Variants in POLR2K observed in about 807,000 individuals in gnomAD.
POLR2K encodes the protein RNA polymerase II, I and III subunit K.
In POLR2K, 9 loss-of-function variants were observed where a neutral mutation model predicts 10.1. The observed-to-expected ratio is 0.89, with a 90% CI of 0.54 to 1.56. POLR2K has a LOEUF of 1.56. POLR2K is among the 40% of genes most tolerant of loss of function. The probability of loss-of-function intolerance (pLI) is 0.00; values close to 1 mark genes in which losing one functional copy is unlikely to be tolerated. For synonymous variants in POLR2K, 19 were observed against 20.3 expected (o/e 0.94, Z 0.17); for missense variants, 53 against 71.9 (o/e 0.74, Z 0.95).
chr8:100,152,821 A>G (rs1330869128), intron 3 of POLR2K, among the ~76,000 whole-genome samples: 1 of 151,638 alleles, frequency 6.6e-6, no homozygotes, highest in African/African-American at 2.4e-5. Context: ...GCTGGTGTGC[A>G]GTGACGCAAT....
intron 3 of POLR2K, among the ~76,000 whole-genome samples, chr8:100,152,763 GT>G (rs1322741362): frequency 6.6e-6 from 1 of 151,542 alleles, no homozygotes; most frequent in Non-Finnish European, 1.5e-5. Context: ...GTTTTTTTTT[GT>G]TTGTTTTTTG....
At chr8:100,151,523 T>C in intron 2 of POLR2K, 107 bp downstream of exon 2, 1 of 779,516 alleles carries the variant, frequency 1.3e-6, no homozygotes, top group South Asian at 1.5e-5. Flanking sequence ...AGTTATAAAG[T>C]AGAACACTTT....
chr8:100,151,646 T>C, intron 2 of POLR2K, 178 bp from the exon 3 acceptor site: 1 of 599,488 alleles, frequency 1.7e-6, no homozygotes, highest in Non-Finnish European at 3.0e-6. Flanking sequence ...CTCCTGGAAA[T>C]ATGCATGGCC....
rs561214142 is a variant in POLR2K, at chr8:100,153,382, T to G, written c.*66T>G. On this transcript the variant is annotated 3_prime_UTR_variant, in exon 4 of 4. Transcript: ENST00000353107. Reference sequence around the variant, plus strand: ...TTTGCTCTCTTCCCATTTCTGATTGTTGTATAGCTTTCGATTTTGCTTACA... The same window carrying G: ...TTTGCTCTCTTCCCATTTCTGATTGGTGTATAGCTTTCGATTTTGCTTACA... The G allele has an allele frequency of 7.0e-7, 1 of 1,428,690 alleles. No individual in the cohort carries two copies. Among genetic ancestry groups the G allele is most frequent in the East Asian group, 2.3e-5 (1 of 43,714 alleles). The allele number at this position is 1,428,690 out of a possible 1,614,324, so 88.5% of individuals were successfully genotyped here. A position where few individuals can be genotyped will look rare whatever the true frequency, so the allele number is the denominator to read the frequency against.
intron 3 of POLR2K, among the ~76,000 whole-genome samples, chr8:100,153,054 C>T (rs76330041): frequency 0.011 from 1,716 of 152,302 alleles, 35 homozygotes; most frequent in African/African-American, 0.039. Context: ...AGGCGTGAGC[C>T]ACTGCGCCTG....
At chr8:100,152,742 ATTACT>A (rs1424052865) in intron 3 of POLR2K, among the ~76,000 whole-genome samples, 1 of 151,996 alleles carries the variant, frequency 6.6e-6, no homozygotes, top group Non-Finnish European at 1.5e-5. Flanking sequence ...CCGCTTTAAC[ATTACT>A]TTAGTGTTTT....
intron 3 of POLR2K, chr8:100,152,298 T>G (rs1348356427): frequency 3.6e-6 from 1 of 276,308 alleles, no homozygotes; most frequent in Non-Finnish European, 6.6e-6. Flanking sequence ...AGCATGCTAT[T>G]GTACTGAATA....
At chr8:100,152,034 C>A (rs1814927098) in intron 3 of POLR2K, 118 bp downstream of exon 3, 1 of 671,180 alleles carries the variant, frequency 1.5e-6, no homozygotes. Flanking sequence ...ACTTAAAAAA[C>A]AAACATGATT....
At chr8:100,151,559 G>GGTCT (rs1814919459) in intron 2 of POLR2K, 143 bp downstream of exon 2, 1 of 654,148 alleles carries the variant, frequency 1.5e-6, no homozygotes, top group African/African-American at 1.8e-5. Flanking sequence ...AATCGTTGAG[G>GGTCT]TCAGTAGACC....
At chr8:100,153,270 T>G in intron 3 of POLR2K, 24 bp from the exon 4 acceptor site, 1 of 1,587,924 alleles carries the variant, frequency 6.3e-7, no homozygotes, top group African/African-American at 1.3e-5. Flanking sequence ...GTACCGTTTT[T>G]GTCCTTAACT....
At position 100,153,567 on chromosome 8, in the gene POLR2K, G is replaced by A. The variant is rs1814947865; in HGVS notation, c.*251G>A. On this transcript the variant is annotated 3_prime_UTR_variant, in exon 4 of 4. Transcript: ENST00000353107. Reference sequence around the variant, plus strand: ...AGCATAGCAAGAGATTAATAATAATGTAATAGAACAATGATAACATACTAT... The same window carrying A: ...AGCATAGCAAGAGATTAATAATAATATAATAGAACAATGATAACATACTAT... 1 of 354,954 alleles carries A rather than the reference G, an allele frequency of 2.8e-6. No homozygotes were observed. The allele number at this position is 354,954 out of a possible 1,614,324, so 22.0% of individuals were successfully genotyped here. A position where few individuals can be genotyped will look rare whatever the true frequency, so the allele number is the denominator to read the frequency against.
chr8:100,152,970 A>G (rs1011377807), intron 3 of POLR2K, among the ~76,000 whole-genome samples: 20 of 151,994 alleles, frequency 1.3e-4, no homozygotes, highest in African/African-American at 4.4e-4. Flanking sequence ...GGGTTTCACC[A>G]TGTTAGCCAG....
rs996928228 is a variant in POLR2K, at chr8:100,153,397, T to C, written c.*81T>C. ...TTTCTGATTGTTGTATAGCTTTCGA[T>C]TTTGCTTACAGTAGTTCCCCCTTAT... On this transcript the variant is annotated 3_prime_UTR_variant, in exon 4 of 4. Transcript: ENST00000353107. 15 of 1,324,874 alleles carry C rather than the reference T, an allele frequency of 1.1e-5. No homozygotes were observed. Among genetic ancestry groups the C allele is most frequent in the African/African-American group, 1.5e-5 (1 of 68,758 alleles). 82.1% of individuals were successfully genotyped at this position (1,324,874 alleles called of 1,614,324 possible).
At position 100,152,202 on chromosome 8, in the gene POLR2K, A is replaced by G. The variant is rs572132948; in HGVS notation, c.154+286A>G. ...GTCCTTAAGCAATTTCATCATTCCT[A>G]CAGAAACCTAGACCGTATATCCTAC... On this transcript the variant is annotated intron_variant, in intron 3 of 3. Coordinates refer to ENST00000353107, the MANE Select transcript of POLR2K (RefSeq NM_005034.4). The G allele has an allele frequency of 1.0e-4, 54 of 542,490 alleles. No homozygotes were observed. The East Asian group carries it at 1.7e-3, about 17-fold the overall frequency. 33.6% of individuals were successfully genotyped at this position (542,490 alleles called of 1,614,324 possible). A position where few individuals can be genotyped will look rare whatever the true frequency, so the allele number is the denominator to read the frequency against.
In POLR2K at chr8:100,153,764, T is replaced by G. The variant is rs1814950436; in HGVS notation, c.*448T>G. On this transcript the variant is annotated 3_prime_UTR_variant, in exon 4 of 4. Transcript: ENST00000353107. The stretch of plus-strand genomic sequence containing the variant: ...AGGAATACAACTATATACATATGAT[T>G]TTATTTTTAAGACCATATTATATTT... 6.5e-6 allele frequency: 1 copy of G among 153,026 alleles called. No individual in the cohort carries two copies. The highest frequency in any genetic ancestry group is 6.5e-5 in the Admixed American group (1 of 15,304). 9.5% of individuals were successfully genotyped at this position (153,026 alleles called of 1,614,324 possible).
At chr8:100,151,647 A>G (rs1238436029) in intron 2 of POLR2K, 177 bp from the exon 3 acceptor site, 1 of 600,816 alleles carries the variant, frequency 1.7e-6, no homozygotes, top group East Asian at 2.8e-5. Context: ...TCCTGGAAAT[A>G]TGCATGGCCT....
In POLR2K at chr8:100,151,845, T is replaced by C. The variant is rs747203821; in HGVS notation, c.83T>C (p.Ile28Thr). The part of the protein sequence containing the change: ...ICGECHTENE[I>T]KSRDPIRCRE... ...CTAGAGTGTCACACAGAAAATGAAA[T>C]AAAATCTAGGGATCCAATCAGATGC... Residue 28 changes from isoleucine (I) to threonine (T), a missense_variant, in exon 3 of 4, where the codon ATA becomes ACA. By Grantham distance (89) the Ile-to-Thr change is moderately conservative. Coordinates refer to ENST00000353107, the MANE Select transcript of POLR2K (RefSeq NM_005034.4). The C allele has an allele frequency of 1.9e-6, 3 of 1,550,476 alleles. No individual in the cohort carries two copies. The highest frequency in any genetic ancestry group is 2.6e-6 in the Non-Finnish European group (3 of 1,133,168).
rs1221426241 is a variant in POLR2K, at chr8:100,153,767, A to C, written c.*451A>C. On this transcript the variant is annotated 3_prime_UTR_variant, in exon 4 of 4. Coordinates refer to ENST00000353107, the MANE Select transcript of POLR2K (RefSeq NM_005034.4). ...AATACAACTATATACATATGATTTT[A>C]TTTTTAAGACCATATTATATTTGGG... The C allele has an allele frequency of 2.6e-5, 4 of 152,842 alleles. No individual in the cohort carries two copies. Among genetic ancestry groups the C allele is most frequent in the African/African-American group, 9.6e-5 (4 of 41,472 alleles). The allele number at this position is 152,842 out of a possible 1,614,324, so 9.5% of individuals were successfully genotyped here. A position where few individuals can be genotyped will look rare whatever the true frequency, so the allele number is the denominator to read the frequency against.
rs540982067 is a variant in POLR2K at position 100,151,507 on chromosome 8, C to G, written c.61+91C>G. The G allele has an allele frequency of 6.5e-5, 57 of 871,064 alleles. No homozygotes were observed. In the South Asian group the frequency reaches 7.2e-4, roughly 11 times the overall value. 54.0% of individuals were successfully genotyped at this position (871,064 alleles called of 1,614,324 possible). On this transcript the variant is annotated intron_variant, in intron 2 of 3. Coordinates refer to ENST00000353107, the MANE Select transcript of POLR2K (RefSeq NM_005034.4). Reference sequence around the variant, plus strand: ...TTCTTTGCTTAAATGAGTTACTGGTCTTCAGAGTTATAAAGTAGAACACTT... The same window carrying G: ...TTCTTTGCTTAAATGAGTTACTGGTGTTCAGAGTTATAAAGTAGAACACTT...
Sources: allele counts gnomAD v4.1 joint callset (sites outside exome capture counted in the v4.1 genomes callset), GRCh38; gene constraint gnomAD v4.1.1; transcripts MANE v1.5; gene names NCBI Gene and HGNC (gene_info 2026-07-23, HGNC 2026-07-21).